EXOC6: variants seen among roughly 807,000 people sequenced by gnomAD.
EXOC6 encodes the protein SEC15-like 1.
EXOC6 carries 60 observed loss-of-function variants against 112.5 expected under a neutral mutation model. That is an observed-to-expected ratio of 0.53 (90% confidence interval 0.43 to 0.66). The LOEUF (loss-of-function observed/expected upper bound fraction) is 0.66, where lower values mean the gene tolerates loss of function less well. Ranked by LOEUF, EXOC6 falls within the 30% of genes least tolerant of loss-of-function variation. EXOC6 has a pLI of 0.00. For missense variants in EXOC6, 855 were observed against 957.1 expected (o/e 0.89, Z 1.41); for synonymous variants, 295 against 308.0 (o/e 0.96, Z 0.44).
chr10:92,895,857 G>C (rs1408243237), intron 4 of EXOC6, among the ~76,000 whole-genome samples: 6 of 125,556 alleles, frequency 4.8e-5, no homozygotes, highest in Non-Finnish European at 1.0e-4. Context: ...ACCACACCCG[G>C]CCTTTTTTTT....
At chr10:92,927,814 G>A (rs1851808875) in intron 8 of EXOC6, among the ~76,000 whole-genome samples, 1 of 152,128 alleles carries the variant, frequency 6.6e-6, no homozygotes, top group Admixed American at 6.5e-5. Context: ...GAGTCCTGAA[G>A]GATGAGTAAA....
intron 15 of EXOC6, among the ~76,000 whole-genome samples, chr10:92,953,764 T>G (rs1023834305): frequency 6.6e-6 from 1 of 152,180 alleles, no homozygotes; most frequent in African/African-American, 2.4e-5. Context: ...AGAGAATTTG[T>G]TTTTTAGTGC....
chr10:92,873,412 G>C (rs1279509241), intron 1 of EXOC6, among the ~76,000 whole-genome samples: 1 of 152,108 alleles, frequency 6.6e-6, no homozygotes, highest in African/African-American at 2.4e-5. Context: ...GTGGAAACAG[G>C]ATACTATTTG....
intron 18 of EXOC6, among the ~76,000 whole-genome samples, chr10:92,975,165 GTC>G (rs1842465902): frequency 6.6e-6 from 1 of 151,196 alleles, no homozygotes; most frequent in South Asian, 2.1e-4. Context: ...AGTGAGGAGC[GTC>G]TCTGCCTGGC....
intron 6 of EXOC6, among the ~76,000 whole-genome samples, chr10:92,915,112 T>C (rs1279059086): frequency 6.6e-6 from 1 of 152,236 alleles, no homozygotes; most frequent in East Asian, 1.9e-4. Context: ...CTTGATGTTA[T>C]AGTTCCTTCT....
At chr10:92,990,789 G>A (rs999680706) in intron 18 of EXOC6, among the ~76,000 whole-genome samples, 6 of 152,056 alleles carry the variant, frequency 3.9e-5, no homozygotes, top group Non-Finnish European at 7.4e-5. Flanking sequence ...CAACCCCAGG[G>A]AGGTTGAGAC....
chr10:92,830,758 A>G (rs1431933110), upstream of EXOC6, among the ~76,000 whole-genome samples: 1 of 152,192 alleles, frequency 6.6e-6, no homozygotes, highest in Non-Finnish European at 1.5e-5. Flanking sequence ...GCCTAGGGTC[A>G]CTTAAACTTC....
chr10:92,862,375 G>T (rs1047182094), intron 1 of EXOC6, among the ~76,000 whole-genome samples: 2 of 151,942 alleles, frequency 1.3e-5, no homozygotes, highest in Middle Eastern at 3.2e-3. Flanking sequence ...TCACCAATGT[G>T]ATAGTTTGAG....
intron 9 of EXOC6, among the ~76,000 whole-genome samples, chr10:92,931,451 CAT>C (rs150630588): frequency 1.1e-4 from 16 of 150,916 alleles, no homozygotes; most frequent in Middle Eastern, 6.8e-3. Flanking sequence ...TATTTTGATA[CAT>C]ATATATATAA....
intron 17 of EXOC6, among the ~76,000 whole-genome samples, chr10:92,963,744 C>T (rs1371013201): frequency 6.6e-6 from 1 of 152,128 alleles, no homozygotes; most frequent in South Asian, 2.1e-4. Context: ...TCTCCTGCCT[C>T]AGCCTCCCAA....
chr10:93,045,483 C>T (rs1845967625), intron 20 of EXOC6, among the ~76,000 whole-genome samples: 1 of 152,204 alleles, frequency 6.6e-6, no homozygotes, highest in Non-Finnish European at 1.5e-5. Flanking sequence ...CTAGCCTGGT[C>T]TGGCTTCCTT....
Position 92,976,070 on chromosome 10 carries a change from C to G in EXOC6, c.1953+1838C>G, listed in dbSNP as rs1349803260. 1.4e-5 allele frequency among the ~76,000 whole-genome samples: 2 copies of G among 147,330 alleles called. 1 individual carries two copies. The highest frequency in any genetic ancestry group is 4.3e-4 in the South Asian group (2 of 4,624). The stretch of plus-strand genomic sequence containing the variant: ...TGGGGGGGGGGGTCAGCCCCCCGCC[C>G]GGCCAGCCGCCCCGCCCGGGAGGTG... On this transcript the variant is annotated intron_variant, in intron 18 of 21. Transcript: ENST00000260762.
intron 20 of EXOC6, among the ~76,000 whole-genome samples, chr10:93,045,755 C>T (rs1294699105): frequency 6.6e-6 from 1 of 152,192 alleles, no homozygotes; most frequent in Non-Finnish European, 1.5e-5. Flanking sequence ...GAAGTCATTA[C>T]ATAACTACTT....
At chr10:92,977,073 TAA>T (rs10558373) in intron 18 of EXOC6, among the ~76,000 whole-genome samples, 4,601 of 152,266 alleles carry the variant, frequency 0.03, 166 homozygotes, top group East Asian at 0.15. Flanking sequence ...AACAGAAGAA[TAA>T]AGTGTTTAAC....
intron 17 of EXOC6, among the ~76,000 whole-genome samples, chr10:92,965,951 C>T (rs1264563995): frequency 6.6e-6 from 1 of 152,022 alleles, no homozygotes; most frequent in East Asian, 1.9e-4. Context: ...CAGTACAGCC[C>T]GTGATTCCCT....
chr10:92,898,944 T>G (rs1236247037), intron 4 of EXOC6, among the ~76,000 whole-genome samples: 1 of 152,194 alleles, frequency 6.6e-6, no homozygotes, highest in Non-Finnish European at 1.5e-5. Flanking sequence ...TAAAACCTTT[T>G]TAGTGACACT....
intron 1 of EXOC6, among the ~76,000 whole-genome samples, chr10:92,886,952 GGTT>G (rs1372662555): frequency 2.0e-5 from 3 of 152,112 alleles, no homozygotes; most frequent in Non-Finnish European, 4.4e-5. Flanking sequence ...GTACTTGGTT[GGTT>G]GTTATTATTT....
intron 18 of EXOC6, among the ~76,000 whole-genome samples, chr10:92,977,613 C>G (rs1425933477): frequency 6.6e-6 from 1 of 152,076 alleles, no homozygotes; most frequent in Non-Finnish European, 1.5e-5. Context: ...TTCACCTTGT[C>G]AGTATAAATC....
chr10:92,979,169 C>G (rs1589964746), intron 18 of EXOC6, among the ~76,000 whole-genome samples: 1 of 152,122 alleles, frequency 6.6e-6, no homozygotes, highest in Admixed American at 6.6e-5. Flanking sequence ...CCCTTCCCCT[C>G]CCTTCCCCTC....
Sources: allele counts gnomAD v4.1 joint callset (sites outside exome capture counted in the v4.1 genomes callset), GRCh38; gene constraint gnomAD v4.1.1; transcripts MANE v1.5; gene names NCBI Gene and HGNC (gene_info 2026-07-23, HGNC 2026-07-21).